SPAG16: variants seen among roughly 807,000 people sequenced by gnomAD.
SPAG16 encodes the protein sperm-associated antigen 16 protein.
In SPAG16, 86 loss-of-function variants were observed where a neutral mutation model predicts 80.4. The observed-to-expected ratio is 1.07, with a 90% CI of 0.90 to 1.28. SPAG16 has a LOEUF of 1.28. SPAG16 is among the 50% of genes most tolerant of loss of function. SPAG16 has a pLI of 0.00. For synonymous variants in SPAG16, 294 were observed against 265.9 expected (o/e 1.11, Z -1.03); for missense variants, 870 against 765.3 (o/e 1.14, Z -1.61).
At chr2:213,628,335 A>G (rs1307580643) in intron 10 of SPAG16, among the ~76,000 whole-genome samples, 1 of 152,230 alleles carries the variant, frequency 6.6e-6, no homozygotes, top group Non-Finnish European at 1.5e-5. Context: ...AGTCTAGTAA[A>G]GCACAAAGCA....
chr2:213,971,879 GT>G (rs895112369), intron 12 of SPAG16, among the ~76,000 whole-genome samples: 21 of 148,292 alleles, frequency 1.4e-4, no homozygotes, highest in Non-Finnish European at 1.8e-4. Context: ...TTGTTTTTTG[GT>G]TTTTTTTTTT....
chr2:213,912,433 A>G (rs1407204512), intron 11 of SPAG16, among the ~76,000 whole-genome samples: 2 of 152,200 alleles, frequency 1.3e-5, no homozygotes, highest in African/African-American at 2.4e-5. Context: ...AAATTAAACA[A>G]ATAGCTGAGA....
rs116376096 is a variant in SPAG16 at position 213,436,915 on chromosome 2, T to A, written c.943-53048T>A. Among the ~76,000 whole-genome samples the A allele has an allele frequency of 8.6e-3, 1,281 of 149,802 alleles. 17 individuals are homozygous for A. The highest frequency in any genetic ancestry group is 0.029 in the African/African-American group (1,194 of 41,010). ...ATACTACGCAAAAATGATAAACTCTTTTTTTTTTTTCTTTGAGATGGAGTC... is the reference window on the plus strand; with the variant it reads ...ATACTACGCAAAAATGATAAACTCTATTTTTTTTTTCTTTGAGATGGAGTC... On this transcript the variant is annotated intron_variant, in intron 9 of 15. Transcript: ENST00000331683.
intron 11 of SPAG16, among the ~76,000 whole-genome samples, chr2:213,928,619 C>T (rs1335926172): frequency 2.0e-5 from 3 of 152,152 alleles, no homozygotes; most frequent in Admixed American, 2.0e-4. Flanking sequence ...TTTTCTTCTT[C>T]ATTTATAGCA....
At chr2:214,118,564 C>T (rs116652307) in intron 14 of SPAG16, among the ~76,000 whole-genome samples, 1,563 of 152,116 alleles carry the variant, frequency 0.01, 12 homozygotes, top group Non-Finnish European at 0.015. Flanking sequence ...CACATGGTGG[C>T]GGCAGAAGTG....
intron 10 of SPAG16, among the ~76,000 whole-genome samples, chr2:213,635,914 G>A (rs1005405376): frequency 2.6e-5 from 4 of 152,136 alleles, no homozygotes; most frequent in African/African-American, 7.2e-5. Context: ...TGCTGGCTCT[G>A]CTGATTATTT....
At chr2:214,271,883 C>T (rs1039116260) in intron 15 of SPAG16, among the ~76,000 whole-genome samples, 4 of 144,704 alleles carry the variant, frequency 2.8e-5, no homozygotes, top group African/African-American at 1.0e-4. Flanking sequence ...GGAAGAATAG[C>T]AGGAGTCTGT....
At chr2:213,636,066 A>T (rs1299988399) in intron 10 of SPAG16, among the ~76,000 whole-genome samples, 1 of 152,124 alleles carries the variant, frequency 6.6e-6, no homozygotes, top group African/African-American at 2.4e-5. Context: ...GTCTTCTGAA[A>T]TTTTTATGGT....
At chr2:214,198,809 TGTG>T (rs2057923446) in intron 15 of SPAG16, among the ~76,000 whole-genome samples, 1 of 151,970 alleles carries the variant, frequency 6.6e-6, no homozygotes, top group African/African-American at 2.4e-5. Context: ...GCAGGAGTAA[TGTG>T]GTGCCTTATT....
intron 12 of SPAG16, among the ~76,000 whole-genome samples, chr2:213,952,317 A>G (rs1040814307): frequency 6.6e-5 from 10 of 152,076 alleles, no homozygotes; most frequent in African/African-American, 2.4e-4. Context: ...AGGATAGAGC[A>G]TCAAGCTTCA....
chr2:214,371,685 A>AT (rs368005487), intron 15 of SPAG16, among the ~76,000 whole-genome samples: 42,698 of 142,778 alleles, frequency 0.3, 7,798 homozygotes, highest in African/African-American at 0.49. Flanking sequence ...ATAGATAATA[A>AT]TTTTTTTTTT....
chr2:213,447,797 T>C (rs1401784439), intron 9 of SPAG16, among the ~76,000 whole-genome samples: 6 of 152,226 alleles, frequency 3.9e-5, no homozygotes, highest in Non-Finnish European at 8.8e-5. Flanking sequence ...TATACACTTG[T>C]GTTAACTCCT....
chr2:214,212,423 C>T (rs776385108), intron 15 of SPAG16, among the ~76,000 whole-genome samples: 1 of 152,272 alleles, frequency 6.6e-6, no homozygotes, highest in African/African-American at 2.4e-5. Context: ...CTGCATCCAT[C>T]AATCTCTTTG....
intron 15 of SPAG16, among the ~76,000 whole-genome samples, chr2:214,288,752 C>CCTATTTATTTATTTAT: frequency 7.1e-6 from 1 of 141,468 alleles, no homozygotes; most frequent in Non-Finnish European, 1.5e-5. Context: ...CCTTTGCCCA[C>CCTATTTATTTATTTAT]TTATTTATTT....
intron 3 of SPAG16, among the ~76,000 whole-genome samples, chr2:213,305,653 A>G (rs1166778215): frequency 6.6e-6 from 1 of 152,170 alleles, no homozygotes; most frequent in African/African-American, 2.4e-5. Flanking sequence ...GTTATGATGT[A>G]TCACATTGAT....
intron 10 of SPAG16, among the ~76,000 whole-genome samples, chr2:213,684,840 T>C (rs373447463): frequency 2.6e-5 from 4 of 152,336 alleles, no homozygotes; most frequent in East Asian, 1.9e-4. Context: ...AGACACATTA[T>C]GTATCCTCAC....
intron 15 of SPAG16, among the ~76,000 whole-genome samples, chr2:214,215,449 C>T (rs2058406847): frequency 6.6e-6 from 1 of 152,180 alleles, no homozygotes; most frequent in Admixed American, 6.5e-5. Context: ...TTTGTTTACT[C>T]CTCCCTTCAG....
intron 10 of SPAG16, among the ~76,000 whole-genome samples, chr2:213,649,894 C>T (rs1424348127): frequency 1.3e-5 from 2 of 152,098 alleles, no homozygotes. Context: ...TTATCCAAAA[C>T]TATGAGAAGA....
Position 213,962,490 on chromosome 2 carries a change from T to C in SPAG16, c.1400+32345T>C, listed in dbSNP as rs1224773547. On this transcript the variant is annotated intron_variant, in intron 12 of 15. Coordinates refer to ENST00000331683, the MANE Select transcript of SPAG16 (RefSeq NM_024532.5). The stretch of plus-strand genomic sequence containing the variant: ...ATGAGCCACCGCGCCCAGCCAGAAC[T>C]GGTATCCTTTTAAAGAGAGAAAGAC... Among the ~76,000 whole-genome samples the C allele has an allele frequency of 2.0e-5, 3 of 152,104 alleles. No individual in the cohort carries two copies. The East Asian group carries it at 5.8e-4, about 29-fold the overall frequency.
Sources: gnomAD v4.1 joint callset for allele counts (sites outside exome capture counted in the v4.1 genomes callset) on GRCh38, gnomAD v4.1.1 for gene constraint, MANE v1.5 for transcripts, NCBI Gene and HGNC (gene_info 2026-07-23, HGNC 2026-07-21) for gene names.